MYMK: variants seen among roughly 807,000 people sequenced by gnomAD.
MYMK encodes the protein myomaker, myoblast fusion factor, also known as protein myomaker.
In MYMK, 16 loss-of-function variants were observed where a neutral mutation model predicts 22.4. That is an observed-to-expected ratio of 0.72 (90% CI 0.48 to 1.09). The LOEUF is 1.09. Among genes scored for constraint, MYMK ranks in the 50% least tolerant of loss-of-function variants. MYMK has a pLI of 0.00. For synonymous variants in MYMK, 125 were observed against 127.0 expected, an observed-to-expected ratio of 0.98 and a Z score of 0.11; for missense variants, 250 against 295.6, an observed-to-expected ratio of 0.85 and a Z score of 1.13.
At chr9:133,523,192 C>T (rs1844723017) in intron 1 of MYMK, among the ~76,000 whole-genome samples, 1 of 152,210 alleles carries the variant, frequency 6.6e-6, no homozygotes. Context: ...TGGACTTGAC[C>T]AATTCAGGAT....
At chr9:133,519,829 C>G (rs1844676296) in intron 2 of MYMK, among the ~76,000 whole-genome samples, 1 of 152,160 alleles carries the variant, frequency 6.6e-6, no homozygotes, top group Non-Finnish European at 1.5e-5. Context: ...GGAAGCCAAC[C>G]CCCCTGAGCA....
At chr9:133,522,186 C>T (rs1213969651) in intron 1 of MYMK, among the ~76,000 whole-genome samples, 1 of 152,264 alleles carries the variant, frequency 6.6e-6, no homozygotes, top group Non-Finnish European at 1.5e-5. Context: ...TGCTTGGCAC[C>T]TGGCCACTTC....
intron 3 of MYMK, among the ~76,000 whole-genome samples, chr9:133,517,030 G>A (rs1385801833): frequency 6.6e-6 from 1 of 152,198 alleles, no homozygotes; most frequent in Non-Finnish European, 1.5e-5. Context: ...CTCGGCTCCT[G>A]TGGCTGGATC....
In MYMK at chr9:133,522,345, G is replaced by GGC. The variant is rs1554808692; in HGVS notation, c.136-2058_136-2057insGC. 1.7e-3 allele frequency among the ~76,000 whole-genome samples: 254 copies of GGC among 150,814 alleles called. 4 individuals carry two copies. The highest frequency in any genetic ancestry group is 6.0e-3 in the African/African-American group (246 of 41,258). On this transcript the variant is annotated intron_variant, in intron 1 of 4. Coordinates refer to ENST00000339996, the MANE Select transcript of MYMK (RefSeq NM_001080483.3). ...TGGGGGCTCAGGTGAGTGGCTGTCG[G>GGC]GGGGGGGCCTCCTCTGTTGTGTGGG...
At chr9:133,517,527 G>T (rs1440959330) in intron 3 of MYMK, among the ~76,000 whole-genome samples, 1 of 152,158 alleles carries the variant, frequency 6.6e-6, no homozygotes, top group African/African-American at 2.4e-5. Context: ...TTACCTGGGC[G>T]TGATGGCATG....
rs1375729399 is a variant in MYMK, at chr9:133,524,798, A to G, written c.47T>C (p.Leu16Pro). 6.2e-7 allele frequency: 1 copy of G among 1,613,924 alleles called. No homozygotes were observed. Among genetic ancestry groups the G allele is most frequent in the East Asian group, 2.2e-5 (1 of 44,846 alleles). Residue 16 changes from leucine (L) to proline (P), a missense_variant, in exon 1 of 5, where the codon CTG becomes CCG. Transcript: ENST00000339996. ...GATGCTGACAGTGGGGAGGAAGGCCAGGCTGCTGAGGGTGGGCAGGAGCAG... is the reference window on the plus strand; with the variant it reads ...GATGCTGACAGTGGGGAGGAAGGCCGGGCTGCTGAGGGTGGGCAGGAGCAG... Reference protein sequence around the residue: ...AKLLLPTLSSLAFLPTVSIAA... With the variant: ...AKLLLPTLSSPAFLPTVSIAA...
intron 1 of MYMK, among the ~76,000 whole-genome samples, chr9:133,523,659 G>A (rs941355114): frequency 2.0e-5 from 3 of 149,710 alleles, no homozygotes; most frequent in Non-Finnish European, 4.4e-5. Flanking sequence ...CAGGTAGATG[G>A]ATGCGTAGAT....
intron 2 of MYMK, 110 bp downstream of exon 2, chr9:133,520,064 G>C: frequency 1.3e-6 from 1 of 757,872 alleles, no homozygotes. Context: ...CTGGGGCTGG[G>C]AGTGAGTGGG....
At chr9:133,514,889 C>A in intron 4 of MYMK, 104 bp from the exon 5 acceptor site, 34 of 1,302,998 alleles carry the variant, frequency 2.6e-5, no homozygotes, top group Non-Finnish European at 3.5e-5. Flanking sequence ...TCTGCCAGGG[C>A]ACTGGGACAC....
At chr9:133,524,602 A>G in intron 1 of MYMK, 108 bp downstream of exon 1, 1 of 1,546,878 alleles carries the variant, frequency 6.5e-7, no homozygotes, top group Admixed American at 1.8e-5. Context: ...TTTCATTTTC[A>G]AATCACTTCT....
intron 3 of MYMK, among the ~76,000 whole-genome samples, chr9:133,516,187 G>A (rs916216633): frequency 2.8e-4 from 42 of 152,262 alleles, no homozygotes; most frequent in South Asian, 2.1e-4. Flanking sequence ...TTTGCATTCC[G>A]AGGAAGATGC....
chr9:133,523,001 C>T (rs80343638), intron 1 of MYMK, among the ~76,000 whole-genome samples: 1,687 of 152,278 alleles, frequency 0.011, 31 homozygotes, highest in African/African-American at 0.038. Flanking sequence ...AGCGCCTAGC[C>T]GAGTCCTCTG....
rs559027218 is a variant in MYMK at position 133,514,630 on chromosome 9, G to A, written c.*6C>T. The A allele has an allele frequency of 6.8e-6, 11 of 1,612,066 alleles. No individual in the cohort carries two copies. The highest frequency in any genetic ancestry group is 2.2e-5 in the South Asian group (2 of 90,918). ...GCAGGGGCTCAGAGCCGGGCTGGGC[G>A]CAGCATCAGACACAAGCACAGCACA... is the stretch of plus-strand genomic sequence containing the variant. On this transcript the variant is annotated 3_prime_UTR_variant, in exon 5 of 5. Coordinates refer to ENST00000339996, the MANE Select transcript of MYMK (RefSeq NM_001080483.3).
intron 1 of MYMK, among the ~76,000 whole-genome samples, chr9:133,520,775 T>G (rs1445145385): frequency 6.6e-6 from 1 of 152,194 alleles, no homozygotes; most frequent in African/African-American, 2.4e-5. Flanking sequence ...TGGGGGCTCC[T>G]GGGGCCTTCT....
rs189477758 is a variant in MYMK, at chr9:133,520,264, C to T, written c.160G>A (p.Gly54Ser). 3.7e-5 allele frequency: 59 copies of T among 1,614,148 alleles called. No individual in the cohort carries two copies. The highest frequency in any genetic ancestry group is 5.3e-5 in the African/African-American group (4 of 75,042). ...CGCATGAAGCACAGCACAGACAAGC[C>T]GGGTCCATTGCAGGCATGGTGGAGC... ...VALHHACNGP[G>S]LSVLCFMRHD... The change falls in exon 2 of 5, where the codon GGC becomes AGC. Residue 54 changes from glycine (G) to serine (S), a missense_variant. Physicochemically the swap from Gly to Ser is moderately conservative, Grantham distance 56. Transcript: ENST00000339996.
intron 1 of MYMK, among the ~76,000 whole-genome samples, chr9:133,521,698 A>G (rs1250572059): frequency 6.6e-6 from 1 of 152,176 alleles, no homozygotes; most frequent in Non-Finnish European, 1.5e-5. Flanking sequence ...CCTTGGGGAC[A>G]GGGAAGCTTC....
At chr9:133,522,269 T>TG (rs1011558132) in intron 1 of MYMK, among the ~76,000 whole-genome samples, 13 of 141,030 alleles carry the variant, frequency 9.2e-5, no homozygotes, top group African/African-American at 3.5e-4. Flanking sequence ...GCTGAGGGCC[T>TG]GGGGGGTCAG....
chr9:133,516,362 T>C (rs960747019), intron 3 of MYMK, among the ~76,000 whole-genome samples: 2 of 152,032 alleles, frequency 1.3e-5, no homozygotes, highest in Non-Finnish European at 2.9e-5. Flanking sequence ...GACAGCCTTG[T>C]TGGGGAGGAA....
At chr9:133,518,420 C>G (rs905768100) in intron 3 of MYMK, among the ~76,000 whole-genome samples, 3 of 152,238 alleles carry the variant, frequency 2.0e-5, no homozygotes, top group Admixed American at 6.5e-5. Flanking sequence ...TTACCCCAGG[C>G]CATTTTCCAA....
Sources: gnomAD v4.1 joint callset for allele counts (sites outside exome capture counted in the v4.1 genomes callset) on GRCh38, gnomAD v4.1.1 for gene constraint, MANE v1.5 for transcripts, NCBI Gene and HGNC (gene_info 2026-07-23, HGNC 2026-07-21) for gene names.